CACNA2D1: variants seen among roughly 807,000 people sequenced by gnomAD.
CACNA2D1 encodes the protein calcium voltage-gated channel auxiliary subunit alpha2delta 1, also known as voltage-dependent calcium channel subunit alpha-2/delta-1.
Under a neutral mutation model 171.5 loss-of-function variants are expected in CACNA2D1, and 53 were observed. The observed-to-expected ratio is 0.31, with a 90% CI of 0.25 to 0.39. The LOEUF (loss-of-function observed/expected upper bound fraction) is 0.39, where lower values mean the gene tolerates loss of function less well. Among genes scored for constraint, CACNA2D1 ranks in the 10% least tolerant of loss-of-function variants. The pLI, the probability that CACNA2D1 is intolerant of heterozygous loss-of-function variation, is 1.00. For missense variants in CACNA2D1, 903 were observed against 1,299.8 expected (o/e 0.69, Z 4.69); for synonymous variants, 442 against 443.1 (o/e 1.00, Z 0.03).
intron 3 of CACNA2D1, among the ~76,000 whole-genome samples, chr7:82,202,529 G>A (rs990873669): frequency 6.6e-6 from 1 of 152,144 alleles, no homozygotes; most frequent in African/African-American, 2.4e-5. Context: ...TGGAGAAGGC[G>A]CTGAAACAGC....
intron 1 of CACNA2D1, among the ~76,000 whole-genome samples, chr7:82,349,944 T>C (rs1819660821): frequency 6.6e-6 from 1 of 152,194 alleles, no homozygotes; most frequent in South Asian, 2.1e-4. Flanking sequence ...TAAAATTCCA[T>C]TAAATAGCTA....
intron 4 of CACNA2D1, among the ~76,000 whole-genome samples, chr7:82,165,732 C>T (rs937557624): frequency 8.6e-5 from 13 of 151,892 alleles, no homozygotes; most frequent in Non-Finnish European, 1.6e-4. Flanking sequence ...AGTCTCAAGA[C>T]TCTTAAAAAG....
At chr7:82,161,811 A>G (rs1794975204) in intron 4 of CACNA2D1, among the ~76,000 whole-genome samples, 1 of 152,078 alleles carries the variant, frequency 6.6e-6, no homozygotes, top group East Asian at 1.9e-4. Context: ...GTGTTATTAC[A>G]TGTAAATCCA....
At chr7:82,142,273 A>G (rs1792486920) in intron 4 of CACNA2D1, among the ~76,000 whole-genome samples, 1 of 152,216 alleles carries the variant, frequency 6.6e-6, no homozygotes, top group African/African-American at 2.4e-5. Flanking sequence ...GTCCATGCTA[A>G]TATAATACTG....
At chr7:82,204,973 G>T (rs1303365140) in intron 3 of CACNA2D1, among the ~76,000 whole-genome samples, 1 of 152,192 alleles carries the variant, frequency 6.6e-6, no homozygotes, top group African/African-American at 2.4e-5. Context: ...TCACCCAAGT[G>T]AGCTCATGCT....
Position 82,147,453 on chromosome 7 carries a change from C to T in CACNA2D1, c.355-10777G>A, listed in dbSNP as rs566086628. Among the ~76,000 whole-genome samples the T allele has an allele frequency of 9.8e-5, 15 of 152,296 alleles. No individual in the cohort carries two copies. The South Asian group carries it at 1.9e-3, about 19-fold the overall frequency. On this transcript the variant is annotated intron_variant, in intron 4 of 38. Coordinates refer to ENST00000356860, the MANE Select transcript of CACNA2D1 (RefSeq NM_000722.4). ...CATTCCAGAACTGAACAAACACATT[C>T]ATAATGCTGTGGAACTTGCTTTAAT...
chr7:82,002,813 A>G (rs1450406909), intron 18 of CACNA2D1, among the ~76,000 whole-genome samples: 4 of 152,160 alleles, frequency 2.6e-5, no homozygotes, highest in African/African-American at 9.7e-5. Context: ...TTAAAAAATT[A>G]AATATGTGAA....
chr7:82,220,788 T>C (rs577652888), intron 3 of CACNA2D1, among the ~76,000 whole-genome samples: 2 of 147,666 alleles, frequency 1.4e-5, no homozygotes, highest in Non-Finnish European at 3.0e-5. Flanking sequence ...TTTCTTTTTT[T>C]TTTTTTTTGA....
chr7:82,231,542 G>A (rs1347305252), intron 3 of CACNA2D1, among the ~76,000 whole-genome samples: 1 of 151,976 alleles, frequency 6.6e-6, no homozygotes, highest in Non-Finnish European at 1.5e-5. Flanking sequence ...ACCATGGTAA[G>A]CTACCTCAAT....
At chr7:82,200,785 T>TA (rs1229671220) in intron 3 of CACNA2D1, among the ~76,000 whole-genome samples, 1 of 152,214 alleles carries the variant, frequency 6.6e-6, no homozygotes, top group Non-Finnish European at 1.5e-5. Flanking sequence ...GGAGAAATGA[T>TA]ATGTGTGAAA....
intron 25 of CACNA2D1, among the ~76,000 whole-genome samples, chr7:81,973,344 A>G (rs149904768): frequency 5.3e-5 from 8 of 152,194 alleles, no homozygotes; most frequent in African/African-American, 7.2e-5. Context: ...GACATGATCA[A>G]TGTAAACTCT....
rs149533742 is a variant in CACNA2D1, at chr7:82,085,614, A to G, written c.527-714T>C. 4.8e-4 allele frequency among the ~76,000 whole-genome samples: 73 copies of G among 152,054 alleles called. No homozygotes were observed. The Middle Eastern group carries it at 0.017, about 36-fold the overall frequency. ...ACATATTTTAGTAATGGGAAAATTT[A>G]CTCAGAGGCTTGACAATATCCGTGT... On this transcript the variant is annotated intron_variant, in intron 6 of 38. Transcript: ENST00000356860.
chr7:82,128,712 T>A (rs1448835343), intron 5 of CACNA2D1, among the ~76,000 whole-genome samples: 1 of 152,148 alleles, frequency 6.6e-6, no homozygotes, highest in African/African-American at 2.4e-5. Context: ...AAATTCCAAA[T>A]TTTGTCCTGA....
At chr7:82,053,445 ATGAT>A (rs1805453999) in intron 10 of CACNA2D1, among the ~76,000 whole-genome samples, 2 of 143,768 alleles carry the variant, frequency 1.4e-5, no homozygotes, top group African/African-American at 4.9e-5. Flanking sequence ...AAATGTATTA[ATGAT>A]TATTTTGAAA....
intron 7 of CACNA2D1, among the ~76,000 whole-genome samples, chr7:82,070,667 C>T (rs1019379801): frequency 1.3e-5 from 2 of 152,068 alleles, no homozygotes; most frequent in Admixed American, 1.3e-4. Flanking sequence ...TTCACTCATT[C>T]TCTATTGGTA....
intron 3 of CACNA2D1, among the ~76,000 whole-genome samples, chr7:82,250,960 TAG>T (rs1323755525): frequency 2.6e-5 from 4 of 152,298 alleles, no homozygotes; most frequent in East Asian, 1.9e-4. Flanking sequence ...TTTCAAAAAT[TAG>T]AGAGTCTGTT....
intron 3 of CACNA2D1, among the ~76,000 whole-genome samples, chr7:82,180,034 T>G (rs908396102): frequency 6.6e-6 from 1 of 152,146 alleles, no homozygotes; most frequent in African/African-American, 2.4e-5. Context: ...GTCCTCTGAA[T>G]TAGTCCCAAT....
intron 1 of CACNA2D1, among the ~76,000 whole-genome samples, chr7:82,370,065 C>T (rs1279588933): frequency 2.6e-5 from 4 of 151,732 alleles, no homozygotes; most frequent in Admixed American, 1.3e-4. Context: ...ACATTATCTA[C>T]CATAGAGATA....
intron 3 of CACNA2D1, among the ~76,000 whole-genome samples, chr7:82,302,888 A>T (rs1813202941): frequency 6.6e-6 from 1 of 152,256 alleles, no homozygotes; most frequent in South Asian, 2.1e-4. Flanking sequence ...TCTAAAAGAT[A>T]GTTTATACAA....
Sources: allele counts gnomAD v4.1 joint callset (sites outside exome capture counted in the v4.1 genomes callset), GRCh38; gene constraint gnomAD v4.1.1; transcripts MANE v1.5; gene names NCBI Gene and HGNC (gene_info 2026-07-23, HGNC 2026-07-21).